Variants in TRAPPC3 observed in about 807,000 individuals in gnomAD.
TRAPPC3 encodes trafficking protein particle complex 3.
Under a neutral mutation model 18.2 loss-of-function variants are expected in TRAPPC3, and 5 were observed. The ratio of observed to expected loss-of-function variants is 0.28; its 90% CI spans 0.14 to 0.58. The LOEUF (loss-of-function observed/expected upper bound fraction) is 0.58. Among genes scored for constraint, TRAPPC3 ranks in the 20% least tolerant of loss-of-function variants. The probability of loss-of-function intolerance (pLI) is 0.91; values close to 1 mark genes in which losing one functional copy is unlikely to be tolerated. For missense variants in TRAPPC3, 176 were observed against 225.9 expected, an observed-to-expected ratio of 0.78 and a Z score of 1.41; for synonymous variants, 65 against 84.2, an observed-to-expected ratio of 0.77 and a Z score of 1.25.
upstream of TRAPPC3, among the ~76,000 whole-genome samples, chr1:36,152,449 A>T (rs1184329208): frequency 2.0e-5 from 3 of 151,692 alleles, no homozygotes; most frequent in Non-Finnish European, 4.4e-5. Context: ...CTGGGACTAC[A>T]GGCATGTGCC....
Position 36,140,128 on chromosome 1 carries a change from G to A in TRAPPC3, c.81C>T (p.Val27=), listed in dbSNP as rs1431379692. 1.2e-6 allele frequency: 2 copies of A among 1,605,340 alleles called. No individual in the cohort carries two copies. Among genetic ancestry groups the A allele is most frequent in the Admixed American group, 1.7e-5 (1 of 57,196 alleles). ...ELFTLTYGAL[V]TQLCKDYEND... is the part of the protein sequence containing the mutation. Reference sequence around the variant, plus strand: ...TTTCATAGTCCTTACATAGCTGGGTGACCAGGGCACCATAGGTCAGGGTGA... The same window carrying A: ...TTTCATAGTCCTTACATAGCTGGGTAACCAGGGCACCATAGGTCAGGGTGA... Residue 27 remains valine, a synonymous_variant, in exon 2 of 5, where the codon GTC becomes GTT. Transcript: ENST00000373166.
upstream of TRAPPC3, among the ~76,000 whole-genome samples, chr1:36,151,840 C>A (rs1167174131): frequency 6.6e-6 from 1 of 152,192 alleles, no homozygotes; most frequent in African/African-American, 2.4e-5. Context: ...CTCCTGGGAA[C>A]CCAAAGGGTT....
rs1196711394 is a variant in TRAPPC3 at position 36,149,419 on chromosome 1, G to C, written c.-41C>G. On this transcript the variant is annotated 5_prime_UTR_variant, in exon 1 of 5. Coordinates refer to ENST00000373166, the MANE Select transcript of TRAPPC3 (RefSeq NM_014408.5). The stretch of plus-strand genomic sequence containing the variant: ...GCCCCACTCGCCTAGCCACGGGTTA[G>C]CTCGGCGACCCCTGCAGACGCCGGA... The C allele has an allele frequency of 6.2e-7, 1 of 1,609,508 alleles. No individual in the cohort carries two copies. Among genetic ancestry groups the C allele is most frequent in the East Asian group, 2.2e-5 (1 of 44,810 alleles).
At chr1:36,143,629 C>T (rs1334783274) in intron 1 of TRAPPC3, among the ~76,000 whole-genome samples, 1 of 152,188 alleles carries the variant, frequency 6.6e-6, no homozygotes, top group African/African-American at 2.4e-5. Flanking sequence ...CCACCAGAAA[C>T]ATGAATCGCT....
At chr1:36,139,983 A>G in intron 2 of TRAPPC3, 86 bp downstream of exon 2, 1 of 1,450,472 alleles carries the variant, frequency 6.9e-7, no homozygotes, top group South Asian at 1.4e-5. Flanking sequence ...AAGAGAGAGA[A>G]CCCTGTTTTA....
rs991522267 is a variant in TRAPPC3, at chr1:36,141,847, A to G, written c.43-1681T>C. On this transcript the variant is annotated intron_variant, in intron 1 of 4. Transcript: ENST00000373166. ...GTGGCGCGTGCCTGTAATCCCAGCT[A>G]CTCAGGAGGCTAAGGCAGGAGAATC... Among the ~76,000 whole-genome samples the G allele has an allele frequency of 1.3e-4, 19 of 151,462 alleles. No homozygotes were observed. In the East Asian group the frequency reaches 3.5e-3, roughly 28 times the overall value.
intron 1 of TRAPPC3, 34 bp downstream of exon 1, chr1:36,149,303 G>A: frequency 1.2e-6 from 2 of 1,612,884 alleles, no homozygotes; most frequent in Non-Finnish European, 1.7e-6. Flanking sequence ...CCTCAATTTC[G>A]CCCCGCCCGC....
intron 1 of TRAPPC3, among the ~76,000 whole-genome samples, chr1:36,148,393 G>A (rs554525257): frequency 7.2e-5 from 11 of 152,276 alleles, no homozygotes; most frequent in African/African-American, 1.7e-4. Flanking sequence ...TCAGGAGTTC[G>A]AGACCAGCCT....
chr1:36,153,973 T>G (rs1337262522), upstream of TRAPPC3, among the ~76,000 whole-genome samples: 1 of 152,196 alleles, frequency 6.6e-6, no homozygotes, highest in East Asian at 1.9e-4. Flanking sequence ...TAGCTGCCAT[T>G]TCCACCTCCA....
upstream of TRAPPC3, among the ~76,000 whole-genome samples, chr1:36,152,412 A>C (rs1644278011): frequency 6.8e-6 from 1 of 146,206 alleles, no homozygotes; most frequent in African/African-American, 2.5e-5. Context: ...GGTTCAAGTG[A>C]TTCTCCTGCC....
At chr1:36,144,178 C>T (rs1644157611) in intron 1 of TRAPPC3, among the ~76,000 whole-genome samples, 1 of 149,250 alleles carries the variant, frequency 6.7e-6, no homozygotes, top group African/African-American at 2.5e-5. Flanking sequence ...ATCCCAGCTA[C>T]TTGGGAGGCT....
intron 3 of TRAPPC3, among the ~76,000 whole-genome samples, chr1:36,138,424 CTA>C (rs1644058285): frequency 6.6e-6 from 1 of 152,144 alleles, no homozygotes; most frequent in South Asian, 2.1e-4. Context: ...AGAAAAAGTC[CTA>C]CCCTATCCAC....
intron 1 of TRAPPC3, among the ~76,000 whole-genome samples, chr1:36,145,838 A>C (rs1644186955): frequency 6.6e-6 from 1 of 152,102 alleles, no homozygotes; most frequent in Non-Finnish European, 1.5e-5. Flanking sequence ...CAGTAGCGCG[A>C]TCTCGGCTCA....
chr1:36,148,924 A>G (rs1226058720), intron 1 of TRAPPC3, among the ~76,000 whole-genome samples: 1 of 152,186 alleles, frequency 6.6e-6, no homozygotes, highest in Non-Finnish European at 1.5e-5. Flanking sequence ...CTAACTTCCC[A>G]GGTGTAAATA....
chr1:36,153,179 T>C (rs1368001499), upstream of TRAPPC3, among the ~76,000 whole-genome samples: 3 of 152,208 alleles, frequency 2.0e-5, no homozygotes, highest in Non-Finnish European at 2.9e-5. Context: ...GCAAGTACCC[T>C]ACTTGCTCCT....
At position 36,149,419 on chromosome 1, in the gene TRAPPC3, G is replaced by A. The variant is rs1196711394; in HGVS notation, c.-41C>T. The A allele has an allele frequency of 3.1e-6, 5 of 1,609,390 alleles. No individual in the cohort carries two copies. The highest frequency in any genetic ancestry group is 1.3e-5 in the African/African-American group (1 of 74,856). ...GCCCCACTCGCCTAGCCACGGGTTA[G>A]CTCGGCGACCCCTGCAGACGCCGGA... On this transcript the variant is annotated 5_prime_UTR_variant, in exon 1 of 5. Coordinates refer to ENST00000373166, the MANE Select transcript of TRAPPC3 (RefSeq NM_014408.5).
At chr1:36,145,583 T>C (rs926797132) in intron 1 of TRAPPC3, among the ~76,000 whole-genome samples, 1 of 152,232 alleles carries the variant, frequency 6.6e-6, no homozygotes, top group Admixed American at 6.5e-5. Context: ...CAGGTCTCAT[T>C]GTCCATGGGA....
chr1:36,148,261 A>G (rs1644229313), intron 1 of TRAPPC3, among the ~76,000 whole-genome samples: 1 of 152,162 alleles, frequency 6.6e-6, no homozygotes, highest in South Asian at 2.1e-4. Context: ...CGAGTTCGAG[A>G]CCAGGCTGGC....
rs1644070554 is a variant in TRAPPC3, at chr1:36,139,212, G to A, written c.240+508C>T. Among the ~76,000 whole-genome samples the A allele has an allele frequency of 3.8e-5, 5 of 132,382 alleles. No individual in the cohort carries two copies. In the South Asian group the frequency reaches 1.0e-3, roughly 28 times the overall value. 86.8% of individuals were successfully genotyped at this position (132,382 alleles called of 152,430 possible). On this transcript the variant is annotated intron_variant, in intron 3 of 4. Coordinates refer to ENST00000373166, the MANE Select transcript of TRAPPC3 (RefSeq NM_014408.5). ...CTTGCTCTGTTACCCAGGATGGAAT[G>A]CAGTGATGTGATCTCGGCTCACTGC... is the stretch of plus-strand genomic sequence containing the variant.
Sources: allele counts gnomAD v4.1 joint callset (sites outside exome capture counted in the v4.1 genomes callset), GRCh38; gene constraint gnomAD v4.1.1; transcripts MANE v1.5; gene names NCBI Gene and HGNC (gene_info 2026-07-23, HGNC 2026-07-21).